The following MAPRE3 variants were observed in gnomAD, a reference collection of about 807,000 sequenced individuals.
MAPRE3 encodes the protein microtubule associated protein RP/EB family member 3, also known as microtubule-associated protein RP/EB family member 3.
In MAPRE3, 2 loss-of-function variants were observed where a neutral mutation model predicts 30.5. That is an observed-to-expected ratio of 0.07 (90% CI 0.03 to 0.21). The LOEUF is 0.21. Ranked by LOEUF, MAPRE3 falls within the 10% of genes least tolerant of loss-of-function variation. MAPRE3 has a pLI of 1.00. For missense variants in MAPRE3, 204 were observed against 351.8 expected (o/e 0.58, Z 3.36); for synonymous variants, 110 against 127.7 (o/e 0.86, Z 0.93).
chr2:27,024,302 C>T lies in MAPRE3; in HGVS notation c.469+5C>T, dbSNP rs372587346. 21 of 1,611,942 alleles carry T rather than the reference C, an allele frequency of 1.3e-5. No homozygotes were observed. The highest frequency in any genetic ancestry group is 9.3e-5 in the African/African-American group (7 of 74,876). ...AGAAACTCATTGGCACAGCAGGTAA[C>T]GTGCCCGAGCCGGGGGAGGGAGCGT... On this transcript the variant is annotated splice_donor_5th_base_variant and intron_variant, in intron 4 of 6. Transcript: ENST00000233121.
At chr2:26,981,554 C>T (rs570807507) in intron 1 of MAPRE3, among the ~76,000 whole-genome samples, 240 of 152,278 alleles carry the variant, frequency 1.6e-3, no homozygotes, top group Middle Eastern at 3.4e-3. Flanking sequence ...ATAATGTTTA[C>T]GTTTCTAACA....
Position 27,026,491 on chromosome 2 carries a change from T to C in MAPRE3, c.*143T>C, listed in dbSNP as rs761780567. 2 of 690,842 alleles carry C rather than the reference T, an allele frequency of 2.9e-6. No homozygotes were observed. The highest frequency in any genetic ancestry group is 4.7e-6 in the Non-Finnish European group (2 of 425,414). 42.8% of individuals were successfully genotyped at this position (690,842 alleles called of 1,614,324 possible). ...CACTGGGGAGCCAGGCGAGGGGGGC[T>C]TGGGGGCATGGGGCCGGAAAGCAGG... On this transcript the variant is annotated 3_prime_UTR_variant, in exon 7 of 7. Transcript: ENST00000233121.
intron 1 of MAPRE3, among the ~76,000 whole-genome samples, chr2:26,994,958 T>G (rs961879337): frequency 1.3e-5 from 2 of 151,574 alleles, no homozygotes; most frequent in African/African-American, 4.8e-5. Flanking sequence ...TGCCTCAGCC[T>G]CCCGAGTACC....
Position 27,025,991 on chromosome 2 carries a change from C to T in MAPRE3, c.736C>T (p.Pro246Ser), listed in dbSNP as rs757786832. ...CCAGGAGCATGAAAGTGAAAACAGCCCTGTTATCTCAGGCATCATTGGCAT... is the reference window on the plus strand; with the variant it reads ...CCAGGAGCATGAAAGTGAAAACAGCTCTGTTATCTCAGGCATCATTGGCAT... ...ICQEHESENS[P>S]VISGIIGILY... Residue 246 changes from proline (P) to serine (S), a missense_variant, in exon 6 of 7, where the codon CCT becomes TCT. This residue lies in a region of MAPRE3 where 42 missense variants were observed against 81.2 expected (regional missense o/e 0.52). Coordinates refer to ENST00000233121, the MANE Select transcript of MAPRE3 (RefSeq NM_012326.4). 6 of 1,614,206 alleles carry T rather than the reference C, an allele frequency of 3.7e-6. No individual in the cohort carries two copies. The South Asian group carries it at 6.6e-5, about 18-fold the overall frequency.
chr2:27,021,169 T>C (rs899378846), intron 1 of MAPRE3, among the ~76,000 whole-genome samples: 2 of 152,230 alleles, frequency 1.3e-5, no homozygotes, highest in Non-Finnish European at 2.9e-5. Context: ...CATCATTTTA[T>C]ATAAGGGACT....
intron 1 of MAPRE3, among the ~76,000 whole-genome samples, chr2:26,997,299 C>A (rs1164991254): frequency 1.3e-5 from 2 of 152,114 alleles, no homozygotes; most frequent in Admixed American, 1.3e-4. Context: ...CAGCCCAGGA[C>A]AGCTTTGAAT....
intron 1 of MAPRE3, among the ~76,000 whole-genome samples, chr2:27,016,264 T>TA (rs1300682693): frequency 2.0e-5 from 3 of 152,104 alleles, no homozygotes; most frequent in Admixed American, 1.3e-4. Context: ...ACACTGCTAC[T>TA]ACATCTCTTG....
chr2:27,013,598 C>T (rs1338544999), intron 1 of MAPRE3: 1 of 152,192 alleles, frequency 6.6e-6, no homozygotes, highest in Non-Finnish European at 1.5e-5. Flanking sequence ...TATATAGGTA[C>T]TGAGAAGCTA....
At chr2:27,022,560 G>A in intron 2 of MAPRE3, 1 of 546,090 alleles carries the variant, frequency 1.8e-6, no homozygotes, top group South Asian at 2.4e-5. Context: ...CGGCTATATG[G>A]TATAGCCTAC....
chr2:27,025,651 C>T lies in MAPRE3; in HGVS notation c.538C>T (p.Pro180Ser). The change falls in exon 5 of 7, where the codon CCC (proline) becomes TCC (serine). Residue 180 changes from proline to serine, a missense_variant. Around this residue, in one of 5 missense-constraint regions of MAPRE3, gnomAD observed 32 missense variants for 20.7 expected, o/e 1.55. Coordinates refer to ENST00000233121, the MANE Select transcript of MAPRE3 (RefSeq NM_012326.4). ...CTCTGGCCGGCTGAGCAATGTGGCC[C>T]CCCCCTGCATTCTCCGGAAGAATCC... ...QTSGRLSNVAPPCILRKNPPS... is the reference protein window; with the variant it reads ...QTSGRLSNVASPCILRKNPPS... 6.2e-7 allele frequency: 1 copy of T among 1,611,160 alleles called. No individual in the cohort carries two copies. Among genetic ancestry groups the T allele is most frequent in the Non-Finnish European group, 8.5e-7 (1 of 1,178,476 alleles).
chr2:26,976,143 A>G (rs1221223054), intron 1 of MAPRE3, among the ~76,000 whole-genome samples: 2 of 152,202 alleles, frequency 1.3e-5, no homozygotes, highest in Non-Finnish European at 2.9e-5. Context: ...ATGCTGGCAC[A>G]CTGTGTAGCT....
intron 1 of MAPRE3, 37 bp downstream of exon 1, chr2:26,970,839 G>A (rs2148192012): frequency 6.6e-6 from 1 of 151,882 alleles, no homozygotes; most frequent in African/African-American, 2.4e-5. Context: ...CCGTGGGGCT[G>A]AGTCAGCGGG....
At chr2:27,023,626 C>A in intron 3 of MAPRE3, 149 bp downstream of exon 3, 1 of 858,514 alleles carries the variant, frequency 1.2e-6, no homozygotes, top group Non-Finnish European at 1.9e-6. Flanking sequence ...AATTTTCCCC[C>A]TGCTCAAGGC....
intron 1 of MAPRE3, chr2:27,002,105 T>A (rs1666613827): frequency 6.6e-6 from 1 of 152,170 alleles, no homozygotes; most frequent in Non-Finnish European, 1.5e-5. Context: ...AAAGCAGGCA[T>A]TTTGTGTTAC....
intron 1 of MAPRE3, among the ~76,000 whole-genome samples, chr2:26,980,942 G>C (rs1302117707): frequency 2.0e-5 from 3 of 152,198 alleles, no homozygotes; most frequent in African/African-American, 7.2e-5. Context: ...CCTTTGAAGA[G>C]AAGAGGGCAT....
Position 27,015,661 on chromosome 2 carries a change from G to C in MAPRE3, c.-7-6551G>C, listed in dbSNP as rs966463348. 6.6e-6 allele frequency among the ~76,000 whole-genome samples: 1 copy of C among 152,144 alleles called. No homozygotes were observed. The highest frequency in any genetic ancestry group is 1.5e-5 in the Non-Finnish European group (1 of 68,022). ...CTGAGGGCCCCTAAATTACCCTTAA[G>C]ACATATTTGTGGAAGACAGATTTAA... On this transcript the variant is annotated intron_variant, in intron 1 of 6. Coordinates refer to ENST00000233121, the MANE Select transcript of MAPRE3 (RefSeq NM_012326.4). This position sits in a 1 kb window ranked among gnomAD's most constrained non-coding sequence, Gnocchi z 4.0.
chr2:27,026,488 G>A lies in MAPRE3; in HGVS notation c.*140G>A, dbSNP rs572412646. ...CAGCACTGGGGAGCCAGGCGAGGGGGGCTTGGGGGCATGGGGCCGGAAAGC... is the reference window on the plus strand; with the variant it reads ...CAGCACTGGGGAGCCAGGCGAGGGGAGCTTGGGGGCATGGGGCCGGAAAGC... On this transcript the variant is annotated 3_prime_UTR_variant, in exon 7 of 7. Transcript: ENST00000233121. 4.3e-6 allele frequency: 3 copies of A among 703,086 alleles called. No homozygotes were observed. The highest frequency in any genetic ancestry group is 2.9e-5 in the East Asian group (1 of 34,602). The allele number at this position is 703,086 out of a possible 1,614,324, so 43.6% of individuals were successfully genotyped here. A position where few individuals can be genotyped will look rare whatever the true frequency, so the allele number is the denominator to read the frequency against.
chr2:27,025,314 C>T (rs1667212715), intron 4 of MAPRE3, among the ~76,000 whole-genome samples: 1 of 152,224 alleles, frequency 6.6e-6, no homozygotes, highest in Non-Finnish European at 1.5e-5. Flanking sequence ...CTCAGGCCAG[C>T]TCTCTCCCTG....
intron 2 of MAPRE3, among the ~76,000 whole-genome samples, 188 bp from the exon 3 acceptor site, chr2:27,023,144 C>G (rs1395715082): frequency 3.9e-5 from 6 of 152,198 alleles, no homozygotes; most frequent in African/African-American, 1.4e-4. Context: ...TAATACGCAT[C>G]AATAAATAGT....
Sources: allele counts gnomAD v4.1 joint callset (sites outside exome capture counted in the v4.1 genomes callset), GRCh38; gene constraint gnomAD v4.1.1; regional missense constraint gnomAD v4.1.1; non-coding constraint Gnocchi (gnomAD v3.1); transcripts MANE v1.5; gene names NCBI Gene and HGNC (gene_info 2026-07-23, HGNC 2026-07-21).